TBCD: variants seen among roughly 807,000 people sequenced by gnomAD.
TBCD encodes the protein tubulin-specific chaperone D.
In TBCD, 105 loss-of-function variants were observed where a neutral mutation model predicts 169.3. The ratio of observed to expected loss-of-function variants is 0.62; its 90% CI spans 0.53 to 0.73. The LOEUF (loss-of-function observed/expected upper bound fraction) is 0.73, where lower values mean the gene tolerates loss of function less well. Ranked by LOEUF, TBCD falls within the 30% of genes least tolerant of loss-of-function variation. TBCD has a pLI of 0.00. For synonymous variants in TBCD, 700 were observed against 643.9 expected (o/e 1.09, Z -1.32); for missense variants, 1,444 against 1,600.1 (o/e 0.90, Z 1.66).
intron 12 of TBCD, among the ~76,000 whole-genome samples, chr17:82,812,528 A>G (rs1161527325): frequency 6.6e-6 from 1 of 152,180 alleles, no homozygotes; most frequent in African/African-American, 2.4e-5. Flanking sequence ...TGCAGGTGTG[A>G]GCAGATGGAT....
Position 82,944,677 on chromosome 17 carries a change from G to C in TBCD, c.*2214G>C, listed in dbSNP as rs553955789. On this transcript the variant is annotated 3_prime_UTR_variant, in exon 39 of 39. Transcript: ENST00000355528. ...AGCAGCAAGAAGCCAGTATCCCTGG[G>C]ACCGGGGAGCTGATGTGGGATTTGT... The C allele has an allele frequency of 6.6e-6, 1 of 152,186 alleles. No individual in the cohort carries two copies. Among genetic ancestry groups the C allele is most frequent in the African/African-American group, 2.4e-5 (1 of 41,442 alleles). 9.4% of individuals were successfully genotyped at this position (152,186 alleles called of 1,614,324 possible).
At chr17:82,899,308 AC>A (rs2059724239) in intron 17 of TBCD, among the ~76,000 whole-genome samples, 2 of 122,610 alleles carry the variant, frequency 1.6e-5, no homozygotes, top group African/African-American at 3.2e-5. Context: ...TCCTCCGCTC[AC>A]GTGTCCTCAG....
intron 25 of TBCD, 94 bp downstream of exon 25, chr17:82,921,671 G>GC: frequency 1.7e-6 from 2 of 1,165,826 alleles, no homozygotes; most frequent in Non-Finnish European, 2.6e-6. Flanking sequence ...GCATCATGAG[G>GC]CTGTCCCTGC....
intron 14 of TBCD, among the ~76,000 whole-genome samples, chr17:82,882,472 T>G (rs543485282): frequency 1.3e-5 from 2 of 152,310 alleles, no homozygotes; most frequent in East Asian, 3.9e-4. Flanking sequence ...GTTTCAGTTC[T>G]GTGGCTGTAG....
Position 82,831,975 on chromosome 17 carries a change from A to G in TBCD, c.1318+17041A>G. On this transcript the variant is annotated intron_variant, in intron 13 of 38. Transcript: ENST00000355528. This position sits in a 1 kb window ranked among gnomAD's most constrained non-coding sequence, Gnocchi z 4.6. ...TGTGCTCGCCGACTGGAACAAATGC[A>G]GAAGGCCGAGCTGCGCCTTCCAGAG... The G allele has an allele frequency of 6.2e-7, 1 of 1,613,620 alleles. No individual in the cohort carries two copies. The highest frequency in any genetic ancestry group is 8.5e-7 in the Non-Finnish European group (1 of 1,179,610).
intron 14 of TBCD, among the ~76,000 whole-genome samples, chr17:82,878,557 C>G (rs1380998956): frequency 6.6e-6 from 1 of 151,640 alleles, no homozygotes; most frequent in African/African-American, 2.4e-5. Flanking sequence ...CTGCCCTCCT[C>G]CGTGTGCTGT....
chr17:82,800,320 TCCCCTTG>T, intron 8 of TBCD, among the ~76,000 whole-genome samples: 1 of 152,046 alleles, frequency 6.6e-6, no homozygotes, highest in Non-Finnish European at 1.5e-5. Context: ...ACCTTGAGCC[TCCCCTTG>T]GCTCAGCCTC....
intron 13 of TBCD, among the ~76,000 whole-genome samples, chr17:82,836,459 C>T (rs528411159): frequency 7.2e-5 from 11 of 152,330 alleles, no homozygotes; most frequent in African/African-American, 1.4e-4. Flanking sequence ...GAGACCGAAA[C>T]GCCGCCTCTA....
rs761389455 is a variant in TBCD at position 82,756,147 on chromosome 17, T to C, written c.185-18T>C. The C allele has an allele frequency of 8.2e-6, 13 of 1,594,506 alleles. 1 individual carries two copies. Among genetic ancestry groups the C allele is most frequent in the South Asian group, 2.3e-5 (2 of 88,078 alleles). ...TTGGCCTAGTGATAATTAATTTTCATGTTATATTTGTTTTTAGTAATAATG... is the reference window on the plus strand; with the variant it reads ...TTGGCCTAGTGATAATTAATTTTCACGTTATATTTGTTTTTAGTAATAATG... On this transcript the variant is annotated intron_variant, in intron 1 of 38. Coordinates refer to ENST00000355528, the MANE Select transcript of TBCD (RefSeq NM_005993.5).
At chr17:82,843,699 T>G (rs980591163) in intron 13 of TBCD, among the ~76,000 whole-genome samples, 1 of 152,182 alleles carries the variant, frequency 6.6e-6, no homozygotes, top group African/African-American at 2.4e-5. Context: ...CCCAAACACT[T>G]TTCAGGCATA....
At chr17:82,907,182 C>T (rs1406489203) in intron 20 of TBCD, among the ~76,000 whole-genome samples, 1 of 152,262 alleles carries the variant, frequency 6.6e-6, no homozygotes, top group Non-Finnish European at 1.5e-5. Context: ...GAGGGGGCCT[C>T]ATGAGGCAGG....
At chr17:82,817,159 C>G (rs190975335) in intron 13 of TBCD, among the ~76,000 whole-genome samples, 2 of 152,132 alleles carry the variant, frequency 1.3e-5, no homozygotes, top group East Asian at 3.9e-4. Flanking sequence ...TTGACAGAGT[C>G]TTGCTCCGTT....
chr17:82,927,136 G>C (rs749727458), intron 28 of TBCD, 50 bp from the exon 29 acceptor site: 10 of 1,610,294 alleles, frequency 6.2e-6, no homozygotes, highest in Non-Finnish European at 7.6e-6. Context: ...CGATGTGGAA[G>C]ATGAGGCTCA....
In TBCD at chr17:82,942,510, T is replaced by C; in HGVS notation, c.*47T>C. On this transcript the variant is annotated 3_prime_UTR_variant, in exon 39 of 39. Transcript: ENST00000355528. ...CTCACCCCTGCCTGGTGAGGATGTC[T>C]TGTTCCTGAGGGAGGCCGGTGTGGA... 1 of 1,613,760 alleles carries C rather than the reference T, an allele frequency of 6.2e-7. No homozygotes were observed.
intron 21 of TBCD, chr17:82,908,204 G>A (rs1041294744): frequency 7.1e-6 from 3 of 420,932 alleles, no homozygotes; most frequent in African/African-American, 2.1e-5. Flanking sequence ...ACGATGGAGC[G>A]TGCAGCCAAC....
At chr17:82,860,707 C>T (rs915214273) in intron 13 of TBCD, among the ~76,000 whole-genome samples, 1 of 152,134 alleles carries the variant, frequency 6.6e-6, no homozygotes, top group African/African-American at 2.4e-5. Context: ...TTGCAGGCAC[C>T]ATGGGTCTCC....
intron 7 of TBCD, among the ~76,000 whole-genome samples, chr17:82,784,541 C>T (rs980965139): frequency 3.3e-5 from 5 of 152,046 alleles, no homozygotes; most frequent in Non-Finnish European, 4.4e-5. Context: ...AGGGAATGTG[C>T]GTTTTATGTT....
At chr17:82,907,956 A>G in intron 21 of TBCD, 135 bp downstream of exon 21, 1 of 891,334 alleles carries the variant, frequency 1.1e-6, no homozygotes, top group Non-Finnish European at 1.7e-6. Flanking sequence ...TCAGTGGGGG[A>G]CCTGCGGTGT....
chr17:82,797,911 T>C (rs1193219213), intron 8 of TBCD, 109 bp downstream of exon 8: 3 of 734,664 alleles, frequency 4.1e-6, no homozygotes, highest in Middle Eastern at 2.6e-4. Flanking sequence ...TGTACATTGG[T>C]ATGTTTGGAC....
Sources: gnomAD v4.1 joint callset for allele counts (sites outside exome capture counted in the v4.1 genomes callset) on GRCh38, gnomAD v4.1.1 for gene constraint, Gnocchi (gnomAD v3.1) non-coding constraint, MANE v1.5 for transcripts, NCBI Gene and HGNC (gene_info 2026-07-23, HGNC 2026-07-21) for gene names.